FDPS: variants seen among roughly 807,000 people sequenced by gnomAD.
FDPS encodes farnesyl pyrophosphate synthase.
A neutral mutation model predicts 49.5 loss-of-function variants in FDPS; 29 were observed. The observed-to-expected ratio is 0.59, with a 90% confidence interval of 0.44 to 0.80. The LOEUF is 0.80. Ranked by LOEUF, FDPS falls within the 30% of genes least tolerant of loss-of-function variation. The pLI is 0.00. For synonymous variants in FDPS, 172 were observed against 206.4 expected (o/e 0.83, Z 1.43); for missense variants, 414 against 525.6 (o/e 0.79, Z 2.08).
chr1:155,317,937 C>G lies in FDPS; in HGVS notation c.481-4C>G, dbSNP rs962750064. ...CCCTGCAGGTCTTATTCCACTCTTT[C>G]TAGCTGCAAGCTTTCTTCCTGGTGG... On this transcript the variant is annotated splice_polypyrimidine_tract_variant and splice_region_variant and intron_variant, in intron 4 of 10. Transcript: ENST00000368356. 1.2e-6 allele frequency: 2 copies of G among 1,612,190 alleles called. No homozygotes were observed. The highest frequency in any genetic ancestry group is 1.7e-6 in the Non-Finnish European group (2 of 1,179,728).
Position 155,310,066 on chromosome 1 carries a change from T to G in FDPS, c.200T>G (p.Met67Arg). The G allele has an allele frequency of 3.1e-6, 5 of 1,613,828 alleles. No individual in the cohort carries two copies. Among genetic ancestry groups the G allele is most frequent in the Non-Finnish European group, 4.2e-6 (5 of 1,180,022 alleles). ...EPRALCSSLR[M>R]NGDQNSDVYA... Reference sequence around the variant, plus strand: ...AGAGCCCTTTGCTCCTCCCTCAGAATGAACGGAGACCAGAATTCAGATGTT... The same window carrying G: ...AGAGCCCTTTGCTCCTCCCTCAGAAGGAACGGAGACCAGAATTCAGATGTT... The change falls in exon 3 of 11, where the codon ATG (methionine) becomes AGG (arginine). Residue 67 changes from methionine to arginine, a missense_variant. Physicochemically the swap from Met to Arg is moderately conservative, Grantham distance 91. Transcript: ENST00000368356.
chr1:155,314,188 ATTTT>A (rs34299252), intron 4 of FDPS, among the ~76,000 whole-genome samples: 2 of 141,006 alleles, frequency 1.4e-5, no homozygotes, highest in Non-Finnish European at 3.1e-5. Context: ...AAAATTTTTA[ATTTT>A]TTTTTTTTTT....
Position 155,318,993 on chromosome 1 carries a change from G to A in FDPS, c.846+65G>A. 8.1e-7 allele frequency: 1 copy of A among 1,237,008 alleles called. No individual in the cohort carries two copies. The highest frequency in any genetic ancestry group is 1.2e-5 in the South Asian group (1 of 83,054). 76.6% of individuals were successfully genotyped at this position (1,237,008 alleles called of 1,614,324 possible). ...GGGCTTTTGGACAGCAAGGCATAGAGCAGAAAACGTGAACACTGCTACCCC... is the reference window on the plus strand; with the variant it reads ...GGGCTTTTGGACAGCAAGGCATAGAACAGAAAACGTGAACACTGCTACCCC... On this transcript the variant is annotated intron_variant, in intron 8 of 10. Transcript: ENST00000368356. This position sits in a 1 kb window ranked among gnomAD's most constrained non-coding sequence, Gnocchi z 4.2.
chr1:155,312,494 T>A, intron 4 of FDPS, 99 bp downstream of exon 4: 1 of 1,348,314 alleles, frequency 7.4e-7, no homozygotes, highest in Non-Finnish European at 1.0e-6. Flanking sequence ...TGGGTTGTGT[T>A]TGTGTTTCTT....
chr1:155,318,831 G>A lies in FDPS; in HGVS notation c.774-25G>A, dbSNP rs753355062. 10 of 1,602,376 alleles carry A rather than the reference G, an allele frequency of 6.2e-6. No individual in the cohort carries two copies. The African/African-American group carries it at 1.2e-4, about 19-fold the overall frequency. ...TCAGGATGTGCATTGCCCTCCTGAGGAGTTTCTCTTCTCCCCTTACTCAGG... is the reference window on the plus strand; with the variant it reads ...TCAGGATGTGCATTGCCCTCCTGAGAAGTTTCTCTTCTCCCCTTACTCAGG... On this transcript the variant is annotated intron_variant, in intron 7 of 10. Transcript: ENST00000368356. This position sits in a 1 kb window ranked among gnomAD's most constrained non-coding sequence, Gnocchi z 4.2.
chr1:155,317,717 G>C (rs1649630676), intron 4 of FDPS: 1 of 493,600 alleles, frequency 2.0e-6, no homozygotes, highest in Non-Finnish European at 3.6e-6. Flanking sequence ...TGGGGTATGT[G>C]CCTATGGTCT....
chr1:155,310,671 A>G (rs1038453021), intron 3 of FDPS, among the ~76,000 whole-genome samples: 1 of 152,170 alleles, frequency 6.6e-6, no homozygotes, highest in Admixed American at 6.5e-5. Context: ...CTGGGCAAGT[A>G]TACTTACTCA....
intron 4 of FDPS, chr1:155,313,090 G>A (rs1207049682): frequency 2.6e-5 from 4 of 151,456 alleles, no homozygotes; most frequent in African/African-American, 4.9e-5. Flanking sequence ...TTACAATTAA[G>A]TCTCCTAAAT....
At position 155,320,654 on chromosome 1, in the gene FDPS, TC is replaced by T; in HGVS notation, c.*46del. On this transcript the variant is annotated 3_prime_UTR_variant, in exon 11 of 11. Coordinates refer to ENST00000368356, the MANE Select transcript of FDPS (RefSeq NM_002004.4). The stretch of plus-strand genomic sequence containing the variant: ...GGGAGAGGAGGCTCTCAATAAATAA[TC>T]GTGTAACCTTCTTGTGGTTCTGTTC... 6.2e-7 allele frequency: 1 copy of T among 1,603,076 alleles called. No individual in the cohort carries two copies. The highest frequency in any genetic ancestry group is 8.5e-7 in the Non-Finnish European group (1 of 1,170,470).
At chr1:155,315,419 CCTGTAATCCCAG>C (rs1649238107) in intron 4 of FDPS, among the ~76,000 whole-genome samples, 1 of 152,184 alleles carries the variant, frequency 6.6e-6, no homozygotes, top group African/African-American at 2.4e-5. Flanking sequence ...GTGGCTCATG[CCTGTAATCCCAG>C]CACTTTGGGA....
chr1:155,311,220 T>C (rs1648768047), intron 3 of FDPS, among the ~76,000 whole-genome samples: 1 of 152,140 alleles, frequency 6.6e-6, no homozygotes, highest in Non-Finnish European at 1.5e-5. Flanking sequence ...CCACATGTAG[T>C]CCCAGCTACT....
intron 4 of FDPS, among the ~76,000 whole-genome samples, chr1:155,316,652 G>A (rs893495057): frequency 1.3e-5 from 2 of 152,032 alleles, no homozygotes; most frequent in Admixed American, 1.3e-4. Context: ...CTAGCAGTTG[G>A]TGGTGGCAGG....
rs1394926765 is a variant in FDPS at position 155,309,857 on chromosome 1, G to A, written c.68G>A (p.Arg23Gln). The change falls in exon 2 of 11, where the codon CGG (arginine) becomes CAG (glutamine). Residue 23 changes from arginine (R) to glutamine (Q), a missense_variant. Arg to Gln is a conservative substitution (Grantham distance 43). Coordinates refer to ENST00000368356, the MANE Select transcript of FDPS (RefSeq NM_002004.4). ...CTGCCAGCCCCCTACTGGGCACCCC[G>A]GGAGAGGTGGCTGGGTTCCCTACGG... ...FLLPAPYWAP[R>Q]ERWLGSLRRP... 6.9e-6 allele frequency: 11 copies of A among 1,587,700 alleles called. No homozygotes were observed. The highest frequency in any genetic ancestry group is 1.3e-5 in the African/African-American group (1 of 74,522).
chr1:155,313,814 T>A (rs1649039783), intron 4 of FDPS, among the ~76,000 whole-genome samples: 1 of 151,936 alleles, frequency 6.6e-6, no homozygotes. Context: ...GGTTAACTGG[T>A]AGAATCAGTT....
intron 4 of FDPS, among the ~76,000 whole-genome samples, chr1:155,316,430 C>G (rs1020683629): frequency 6.6e-6 from 1 of 152,114 alleles, no homozygotes; most frequent in East Asian, 1.9e-4. Context: ...CCAACTTGGG[C>G]AACATGACAA....
At chr1:155,320,193 A>G in intron 10 of FDPS, 1 of 645,152 alleles carries the variant, frequency 1.6e-6, no homozygotes, top group Non-Finnish European at 2.7e-6. Context: ...CAAGGTGGAG[A>G]AACCCTGGAG....
At chr1:155,314,635 C>T (rs765501370) in intron 4 of FDPS, among the ~76,000 whole-genome samples, 6 of 151,888 alleles carry the variant, frequency 4.0e-5, no homozygotes, top group South Asian at 2.1e-4. Flanking sequence ...CCACCACGCC[C>T]GGCTTTTTAA....
chr1:155,317,270 TCTTA>T (rs900055226), intron 4 of FDPS: 3 of 152,216 alleles, frequency 2.0e-5, no homozygotes, highest in African/African-American at 7.2e-5. Context: ...CATGAATAGA[TCTTA>T]CTTTAAGCAT....
At chr1:155,309,627 G>A (rs749781669) in intron 1 of FDPS, 162 bp from the exon 2 acceptor site, 116 of 589,814 alleles carry the variant, frequency 2.0e-4, no homozygotes, top group Non-Finnish European at 2.9e-4. Context: ...TGTTCCCTGC[G>A]TATCCTTCCT....
Sources: allele counts gnomAD v4.1 joint callset (sites outside exome capture counted in the v4.1 genomes callset), GRCh38; gene constraint gnomAD v4.1.1; non-coding constraint Gnocchi (gnomAD v3.1); transcripts MANE v1.5; gene names NCBI Gene and HGNC (gene_info 2026-07-23, HGNC 2026-07-21).